The following ZNF385D variants were observed in gnomAD, a reference collection of about 807,000 sequenced individuals.
ZNF385D encodes zinc finger protein 659.
Under a neutral mutation model 35.8 loss-of-function variants are expected in ZNF385D, and 15 were observed. The observed-to-expected ratio is 0.42, with a 90% CI of 0.28 to 0.64. ZNF385D has a LOEUF of 0.64. Ranked by LOEUF, ZNF385D falls within the 30% of genes least tolerant of loss-of-function variation. ZNF385D has a pLI of 0.23. For missense variants in ZNF385D, 474 were observed against 494.6 expected, an observed-to-expected ratio of 0.96 and a Z score of 0.39; for synonymous variants, 212 against 186.8, an observed-to-expected ratio of 1.13 and a Z score of -1.10.
intron 2 of ZNF385D, among the ~76,000 whole-genome samples, chr3:22,232,155 T>C (rs1698930783): frequency 6.6e-6 from 1 of 152,154 alleles, no homozygotes; most frequent in African/African-American, 2.4e-5. Context: ...CCTCACTTTC[T>C]TGCGCTCATA....
At chr3:21,422,714 C>T (rs1291888008) in intron 7 of ZNF385D, among the ~76,000 whole-genome samples, 6 of 152,152 alleles carry the variant, frequency 3.9e-5, no homozygotes, top group African/African-American at 7.2e-5. Context: ...TGATTCATCA[C>T]GTAAACAGAA....
At chr3:21,578,827 G>A (rs1417953258) in intron 2 of ZNF385D, among the ~76,000 whole-genome samples, 1 of 152,050 alleles carries the variant, frequency 6.6e-6, no homozygotes, top group African/African-American at 2.4e-5. Flanking sequence ...GTCTTTTGTG[G>A]TTCCATATGA....
At chr3:21,856,830 G>A (rs1696739836) in intron 3 of ZNF385D, among the ~76,000 whole-genome samples, 1 of 152,072 alleles carries the variant, frequency 6.6e-6, no homozygotes, top group Non-Finnish European at 1.5e-5. Flanking sequence ...GCAAGGCAAT[G>A]TCCTTAAATT....
At chr3:22,187,353 A>G (rs894667661) in intron 2 of ZNF385D, among the ~76,000 whole-genome samples, 1 of 152,170 alleles carries the variant, frequency 6.6e-6, no homozygotes, top group Non-Finnish European at 1.5e-5. Context: ...TCTCAAGCTC[A>G]TGATAACTAA....
At chr3:21,512,103 C>T (rs539785227) in intron 3 of ZNF385D, among the ~76,000 whole-genome samples, 15 of 143,926 alleles carry the variant, frequency 1.0e-4, no homozygotes, top group African/African-American at 3.2e-4. Context: ...GCCGAGATCA[C>T]GCCACTGTAC....
At chr3:21,834,825 G>C (rs952105347) in intron 3 of ZNF385D, among the ~76,000 whole-genome samples, 1 of 152,006 alleles carries the variant, frequency 6.6e-6, no homozygotes, top group Non-Finnish European at 1.5e-5. Flanking sequence ...GAGTTCTCAC[G>C]ACATCTGGTG....
At chr3:21,494,215 C>T (rs535743067) in intron 4 of ZNF385D, among the ~76,000 whole-genome samples, 6 of 152,168 alleles carry the variant, frequency 3.9e-5, no homozygotes, top group Admixed American at 6.5e-5. Context: ...AAATGTAAAC[C>T]GAGAAAAAGA....
chr3:21,671,665 AAAC>A (rs1283952032), intron 1 of ZNF385D, among the ~76,000 whole-genome samples: 3 of 152,304 alleles, frequency 2.0e-5, no homozygotes, highest in Admixed American at 1.3e-4. Context: ...AAACAAAACA[AAAC>A]AACAATTTAA....
At position 21,646,810 on chromosome 3, in the gene ZNF385D, T is replaced by A. The variant is rs1384630230; in HGVS notation, c.165+18076A>T. 6.6e-6 allele frequency among the ~76,000 whole-genome samples: 1 copy of A among 152,144 alleles called. No individual in the cohort carries two copies. Among genetic ancestry groups the A allele is most frequent in the Non-Finnish European group, 1.5e-5 (1 of 68,016 alleles). ...TGGCTTTCATACATTCGGTCACAAA[T>A]AGAAAGCAATGTTAAGTCCTGGGTT... On this transcript the variant is annotated intron_variant, in intron 2 of 7. Coordinates refer to ENST00000281523, the MANE Select transcript of ZNF385D (RefSeq NM_024697.3). The surrounding 1 kb of genome is among the most constrained non-coding windows in gnomAD (Gnocchi z 4.3).
At chr3:21,701,260 C>T (rs2067672044) in intron 1 of ZNF385D, among the ~76,000 whole-genome samples, 1 of 151,594 alleles carries the variant, frequency 6.6e-6, no homozygotes, top group South Asian at 2.1e-4. Flanking sequence ...AGAATCATGG[C>T]AGGAGGCAAA....
chr3:21,820,787 C>T (rs962486996), intron 3 of ZNF385D, among the ~76,000 whole-genome samples: 1 of 148,626 alleles, frequency 6.7e-6, no homozygotes, highest in African/African-American at 2.5e-5. Context: ...CAGAAAACCC[C>T]AAGAAGTCTG....
At chr3:21,447,216 C>T (rs1297575446) in intron 4 of ZNF385D, among the ~76,000 whole-genome samples, 5 of 151,686 alleles carry the variant, frequency 3.3e-5, no homozygotes, top group South Asian at 2.1e-4. Context: ...ATAAATATTA[C>T]GAAAGGGAAA....
At chr3:22,305,208 A>G (rs192255000) in intron 2 of ZNF385D, among the ~76,000 whole-genome samples, 1 of 152,280 alleles carries the variant, frequency 6.6e-6, no homozygotes, top group African/African-American at 2.4e-5. Flanking sequence ...TTCTAAATGT[A>G]TATGTAATCC....
chr3:21,870,004 AT>A (rs1040833368), intron 3 of ZNF385D, among the ~76,000 whole-genome samples: 1 of 151,722 alleles, frequency 6.6e-6, no homozygotes, highest in Non-Finnish European at 1.5e-5. Context: ...CCCACTGTGG[AT>A]TTTTTTTTAA....
chr3:21,668,971 T>C (rs73138838), intron 1 of ZNF385D, among the ~76,000 whole-genome samples: 3,766 of 152,282 alleles, frequency 0.025, 145 homozygotes, highest in African/African-American at 0.085. Flanking sequence ...GAGAAAGTTT[T>C]GTTCTTAATG....
At chr3:22,048,553 A>G (rs1055848295) in intron 3 of ZNF385D, among the ~76,000 whole-genome samples, 7 of 152,156 alleles carry the variant, frequency 4.6e-5, no homozygotes, top group Admixed American at 2.6e-4. Flanking sequence ...TCAATTGACA[A>G]CAAATACATG....
chr3:22,371,271 C>T (rs957054619), intron 2 of ZNF385D, among the ~76,000 whole-genome samples: 1 of 152,150 alleles, frequency 6.6e-6, no homozygotes, highest in African/African-American at 2.4e-5. Flanking sequence ...TCAGTGGTCA[C>T]CTGAAAGGCA....
intron 3 of ZNF385D, among the ~76,000 whole-genome samples, chr3:21,782,851 G>C (rs1409223152): frequency 6.6e-6 from 1 of 152,138 alleles, no homozygotes; most frequent in Admixed American, 6.6e-5. Flanking sequence ...ATCAGAGGAT[G>C]AGCGGGGAGG....
intron 3 of ZNF385D, among the ~76,000 whole-genome samples, chr3:22,075,200 T>C (rs931649651): frequency 1.3e-5 from 2 of 151,862 alleles, no homozygotes; most frequent in African/African-American, 4.8e-5. Context: ...GTAATAGCCT[T>C]TCTCCTATGT....
Sources: allele counts gnomAD v4.1 joint callset (sites outside exome capture counted in the v4.1 genomes callset), GRCh38; gene constraint gnomAD v4.1.1; non-coding constraint Gnocchi (gnomAD v3.1); transcripts MANE v1.5; gene names NCBI Gene and HGNC (gene_info 2026-07-23, HGNC 2026-07-21).